Variants in AHCYL1 observed in about 807,000 individuals in gnomAD.
AHCYL1 encodes the protein S-adenosylhomocysteine hydrolase-like protein 1.
Under a neutral mutation model 79.3 loss-of-function variants are expected in AHCYL1, and 20 were observed. The observed-to-expected ratio is 0.25, with a 90% confidence interval of 0.18 to 0.37. AHCYL1 has a LOEUF of 0.37. AHCYL1 is among the 10% of genes least tolerant of loss of function. The pLI, the probability that AHCYL1 is intolerant of heterozygous loss-of-function variation, is 1.00. For missense variants in AHCYL1, 330 were observed against 673.6 expected (o/e 0.49, Z 5.65); for synonymous variants, 223 against 242.2 (o/e 0.92, Z 0.74).
chr1:110,020,366 G>C (rs1275366253), intron 15 of AHCYL1, among the ~76,000 whole-genome samples: 3 of 152,094 alleles, frequency 2.0e-5, no homozygotes, highest in Non-Finnish European at 4.4e-5. Context: ...TTGCTAATTT[G>C]ACTATAATCT....
chr1:110,006,882 C>A (rs1650689556), intron 1 of AHCYL1, among the ~76,000 whole-genome samples: 1 of 152,156 alleles, frequency 6.6e-6, no homozygotes, highest in South Asian at 2.1e-4. Context: ...CTTGGGTTAA[C>A]TACATTCTAC....
At chr1:110,017,339 G>C (rs1036469749) in intron 9 of AHCYL1, among the ~76,000 whole-genome samples, 156 bp from the exon 10 acceptor site, 1 of 152,096 alleles carries the variant, frequency 6.6e-6, no homozygotes, top group Non-Finnish European at 1.5e-5. Flanking sequence ...ATCTGGGTCT[G>C]TTTCTGTTCT....
intron 6 of AHCYL1, 120 bp from the exon 7 acceptor site, chr1:110,015,305 C>T (rs1204624180): frequency 2.6e-6 from 2 of 782,550 alleles, no homozygotes; most frequent in African/African-American, 1.7e-5. Context: ...CTCTAGGGAG[C>T]TCTGAGGAGT....
chr1:109,989,139 C>A (rs17025294), intron 1 of AHCYL1, among the ~76,000 whole-genome samples: 1,838 of 152,212 alleles, frequency 0.012, 39 homozygotes, highest in African/African-American at 0.042. Flanking sequence ...AAGATTTCTC[C>A]GCAGGTATTG....
At chr1:110,009,232 C>T in intron 2 of AHCYL1, 87 bp downstream of exon 2, 1 of 1,161,118 alleles carries the variant, frequency 8.6e-7, no homozygotes, top group Non-Finnish European at 1.2e-6. Flanking sequence ...GAAAATACCT[C>T]ATGTTATGAC....
At position 110,018,395 on chromosome 1, in the gene AHCYL1, G is replaced by T; in HGVS notation, c.1146G>T (p.Arg382=). 1 of 1,614,088 alleles carries T rather than the reference G, an allele frequency of 6.2e-7. No individual in the cohort carries two copies. The highest frequency in any genetic ancestry group is 8.5e-7 in the Non-Finnish European group (1 of 1,180,014). The change falls in exon 12 of 17, where the codon CGG becomes CGT. Residue 382 remains arginine (R), a synonymous_variant. Coordinates refer to ENST00000369799, the MANE Select transcript of AHCYL1 (RefSeq NM_006621.7). ...TCTGNKNVVT[R]EHLDRMKNSC... The stretch of plus-strand genomic sequence containing the variant: ...TAGGAAATAAGAATGTAGTGACACG[G>T]GAGCACTTGGATCGCATGAAAAACA...
intron 5 of AHCYL1, 92 bp downstream of exon 5, chr1:110,013,091 T>C (rs1047064837): frequency 2.1e-6 from 2 of 942,322 alleles, no homozygotes; most frequent in African/African-American, 1.6e-5. Flanking sequence ...CAATATCATA[T>C]ATGTCTAGAG....
Position 110,018,031 on chromosome 1 carries a change from T to C in AHCYL1, c.1123+15T>C. ...AACTTGCACAGGTAAATAACTTGCA[T>C]AGAGAAGTGTTTATTCAGAGGCTAA... On this transcript the variant is annotated intron_variant, in intron 11 of 16. Coordinates refer to ENST00000369799, the MANE Select transcript of AHCYL1 (RefSeq NM_006621.7). 1 of 1,613,810 alleles carries C rather than the reference T, an allele frequency of 6.2e-7. No individual in the cohort carries two copies. The highest frequency in any genetic ancestry group is 8.5e-7 in the Non-Finnish European group (1 of 1,179,692).
intron 1 of AHCYL1, among the ~76,000 whole-genome samples, chr1:110,007,200 C>T (rs1650708797): frequency 6.6e-6 from 1 of 152,106 alleles, no homozygotes; most frequent in Admixed American, 6.5e-5. Context: ...TGGGAACATG[C>T]CCAGAACCCT....
At position 110,020,582 on chromosome 1, in the gene AHCYL1, T is replaced by C. The variant is rs748181545; in HGVS notation, c.1466-149T>C. The C allele has an allele frequency of 7.0e-6, 8 of 1,135,892 alleles. No individual in the cohort carries two copies. In the East Asian group the frequency reaches 2.1e-4, roughly 29 times the overall value. The allele number at this position is 1,135,892 out of a possible 1,614,324, so 70.4% of individuals were successfully genotyped here. On this transcript the variant is annotated intron_variant, in intron 15 of 16. Transcript: ENST00000369799. ...GGCAGCTTTGAGGTTTTTTTTTTAATTAAGCAAATATTTCAAGTTGTGGAT... is the reference window on the plus strand; with the variant it reads ...GGCAGCTTTGAGGTTTTTTTTTTAACTAAGCAAATATTTCAAGTTGTGGAT...
intron 1 of AHCYL1, among the ~76,000 whole-genome samples, chr1:109,987,530 G>A (rs950116299): frequency 1.2e-4 from 18 of 152,318 alleles, no homozygotes; most frequent in African/African-American, 3.8e-4. Context: ...TTACTTCAGG[G>A]TGACCTTGAT....
chr1:110,016,537 C>A (rs1651431236), intron 8 of AHCYL1, 77 bp downstream of exon 8: 4 of 1,548,166 alleles, frequency 2.6e-6, no homozygotes, highest in South Asian at 2.3e-5. Flanking sequence ...TTAGAGGGAC[C>A]ATTTCATACT....
At chr1:110,018,338 C>A in intron 11 of AHCYL1, 35 bp from the exon 12 acceptor site, 1 of 1,601,344 alleles carries the variant, frequency 6.2e-7, no homozygotes, top group East Asian at 2.2e-5. Flanking sequence ...TGTTGCCCGG[C>A]ATCTCTTTCC....
chr1:110,001,710 A>G (rs888209490), intron 1 of AHCYL1, among the ~76,000 whole-genome samples: 2 of 152,366 alleles, frequency 1.3e-5, no homozygotes, highest in Non-Finnish European at 2.9e-5. Flanking sequence ...CACGTAGAGT[A>G]TCAGGGCTAG....
At chr1:110,017,749 T>G (rs942013638) in intron 10 of AHCYL1, among the ~76,000 whole-genome samples, 166 bp downstream of exon 10, 2 of 152,180 alleles carry the variant, frequency 1.3e-5, no homozygotes, top group African/African-American at 4.8e-5. Context: ...TGAGAGCCTC[T>G]TGGCATTTTT....
At chr1:110,014,514 C>A (rs190413201) in intron 5 of AHCYL1, among the ~76,000 whole-genome samples, 6 of 152,330 alleles carry the variant, frequency 3.9e-5, no homozygotes, top group African/African-American at 1.4e-4. Context: ...TTATCTCCTT[C>A]TAAGTATAAA....
At chr1:109,997,389 C>G (rs1187115128) in intron 1 of AHCYL1, among the ~76,000 whole-genome samples, 1 of 152,096 alleles carries the variant, frequency 6.6e-6, no homozygotes, top group African/African-American at 2.4e-5. Flanking sequence ...AAAAGGAGGG[C>G]AGAACTCAGA....
chr1:109,985,076 G>T lies in AHCYL1; in HGVS notation c.24G>T (p.Pro8=). The T allele has an allele frequency of 6.2e-7, 1 of 1,604,626 alleles. No individual in the cohort carries two copies. Among genetic ancestry groups the T allele is most frequent in the Non-Finnish European group, 8.5e-7 (1 of 1,176,266 alleles). The change falls in exon 1 of 17, where the codon CCG becomes CCT. Residue 8 remains proline, a synonymous_variant. Coordinates refer to ENST00000369799, the MANE Select transcript of AHCYL1 (RefSeq NM_006621.7). ...GAATGTCGATGCCTGACGCGATGCC[G>T]CTGCCCGGGGTCGGGGAGGAGCTGA... MSMPDAM[P]LPGVGEELKQ...
At chr1:110,018,941 C>T in intron 13 of AHCYL1, 110 bp from the exon 14 acceptor site, 1 of 1,020,504 alleles carries the variant, frequency 9.8e-7, no homozygotes, top group Non-Finnish European at 1.5e-6. Context: ...AATTCTTCCT[C>T]TTCCAACTGA....
Sources: allele counts gnomAD v4.1 joint callset (sites outside exome capture counted in the v4.1 genomes callset), GRCh38; gene constraint gnomAD v4.1.1; transcripts MANE v1.5; gene names NCBI Gene and HGNC (gene_info 2026-07-23, HGNC 2026-07-21).